Variants in IL3RA observed in about 807,000 individuals in gnomAD.
IL3RA encodes interleukin-3 receptor subunit alpha.
A neutral mutation model predicts 52.3 loss-of-function variants in IL3RA; 73 were observed. The ratio of observed to expected loss-of-function variants is 1.40; its 90% CI spans 1.16 to 1.70. The LOEUF (loss-of-function observed/expected upper bound fraction) is 1.70, where lower values mean the gene tolerates loss of function less well. Ranked by LOEUF, IL3RA falls within the 40% of genes most tolerant of loss-of-function variation. The pLI is 0.00. For missense variants in IL3RA, 664 were observed against 504.4 expected (o/e 1.32, Z -3.03); for synonymous variants, 260 against 194.0 (o/e 1.34, Z -2.83).
chrX:1,360,177 TTC>T (rs1302595866), intron 8 of IL3RA, among the ~76,000 whole-genome samples: 1 of 136,428 alleles, frequency 7.3e-6, no homozygotes, highest in African/African-American at 2.8e-5. Flanking sequence ...CCCTCCATCT[TTC>T]TCTCTCTCTC....
intron 3 of IL3RA, among the ~76,000 whole-genome samples, chrX:1,346,872 G>C (rs1252984116): frequency 4.6e-5 from 7 of 150,962 alleles, no homozygotes; most frequent in Non-Finnish European, 7.4e-5. Context: ...TTCAAATCAC[G>C]GCCCTTCATG....
intron 11 of IL3RA, 120 bp from the exon 12 acceptor site, chrX:1,382,269 CGT>C: frequency 3.3e-6 from 3 of 911,856 alleles, no homozygotes; most frequent in South Asian, 2.8e-5. Flanking sequence ...GGATGACAGG[CGT>C]GAGACACCAT....
intron 8 of IL3RA, 62 bp downstream of exon 8, chrX:1,358,949 T>G: frequency 8.0e-7 from 1 of 1,251,708 alleles, no homozygotes. Context: ...TTTATTATTA[T>G]TAAGAATAAA....
intron 3 of IL3RA, among the ~76,000 whole-genome samples, chrX:1,348,184 C>A (rs1398603119): frequency 4.0e-5 from 6 of 149,032 alleles, no homozygotes; most frequent in South Asian, 2.1e-4. Flanking sequence ...CTGTCTCTAC[C>A]CAGAAAAATA....
intron 8 of IL3RA, among the ~76,000 whole-genome samples, chrX:1,361,159 T>G (rs868780834): frequency 3.2e-5 from 1 of 30,992 alleles, no homozygotes; most frequent in Non-Finnish European, 6.7e-5. Context: ...CTCCCTTTCC[T>G]TCTCTGTCTC....
At chrX:1,358,763 T>G in intron 7 of IL3RA, 98 bp from the exon 8 acceptor site, 1 of 1,351,792 alleles carries the variant, frequency 7.4e-7, no homozygotes, top group Non-Finnish European at 1.1e-6. Flanking sequence ...CCCTCACTGT[T>G]TTGCTGGTTT....
chrX:1,361,314 A>G (rs2087334488), intron 8 of IL3RA, among the ~76,000 whole-genome samples: 1 of 152,074 alleles, frequency 6.6e-6, no homozygotes, highest in African/African-American at 2.4e-5. Flanking sequence ...CACACTGCTG[A>G]TAAACATATA....
chrX:1,365,358 G>T, intron 9 of IL3RA, 106 bp downstream of exon 9: 2 of 417,876 alleles, frequency 4.8e-6, no homozygotes, highest in South Asian at 4.3e-5. Context: ...CGGGGTGAGC[G>T]GGGTGAGCCG....
intron 1 of IL3RA, 134 bp from the exon 2 acceptor site, chrX:1,341,594 T>A: frequency 1.5e-6 from 1 of 674,854 alleles, no homozygotes; most frequent in Non-Finnish European, 2.6e-6. Context: ...ATATGCACAC[T>A]CACCACCGCT....
chrX:1,363,952 GC>G (rs2087706654), intron 8 of IL3RA, among the ~76,000 whole-genome samples: 1 of 151,904 alleles, frequency 6.6e-6, no homozygotes, highest in Non-Finnish European at 1.5e-5. Flanking sequence ...GGAGGCCGAG[GC>G]GGGTGGATCA....
At chrX:1,380,630 G>GGAGGGA (rs1388764821) in intron 10 of IL3RA, among the ~76,000 whole-genome samples, 10 of 71,948 alleles carry the variant, frequency 1.4e-4, no homozygotes, top group African/African-American at 4.9e-4. Flanking sequence ...GGAGGGGGAA[G>GGAGGGA]GAGGGAGAGG....
At chrX:1,348,662 C>CTTTA (rs1259073940) in intron 4 of IL3RA, 117 bp downstream of exon 4, 8 of 444,468 alleles carry the variant, frequency 1.8e-5, no homozygotes, top group African/African-American at 4.9e-5. Flanking sequence ...TTCTTTCTTT[C>CTTTA]TTTCTTTCTT....
chrX:1,381,558 ATG>A (rs2089179310), intron 11 of IL3RA, among the ~76,000 whole-genome samples: 1 of 138,108 alleles, frequency 7.2e-6, no homozygotes, highest in Non-Finnish European at 1.6e-5. Context: ...TTTTTTTTAG[ATG>A]GAGTTTTGCT....
At chrX:1,347,986 G>A (rs1364162880) in intron 3 of IL3RA, among the ~76,000 whole-genome samples, 5 of 147,060 alleles carry the variant, frequency 3.4e-5, no homozygotes, top group East Asian at 2.0e-4. Context: ...ACAGTGAGCC[G>A]AGATCGCGCC....
chrX:1,368,567 C>A (rs2088362825), intron 9 of IL3RA, among the ~76,000 whole-genome samples: 2 of 152,120 alleles, frequency 1.3e-5, no homozygotes, highest in African/African-American at 4.8e-5. Context: ...CAGAATGTGA[C>A]TGTGTTTGGA....
At chrX:1,359,784 C>G (rs1223659524) in intron 8 of IL3RA, among the ~76,000 whole-genome samples, 1 of 150,174 alleles carries the variant, frequency 6.7e-6, no homozygotes, top group East Asian at 2.0e-4. Context: ...TTCTCCCTCC[C>G]TCTTTTATTC....
intron 3 of IL3RA, among the ~76,000 whole-genome samples, chrX:1,347,639 A>C (rs1488338538): frequency 2.0e-5 from 3 of 151,194 alleles, no homozygotes; most frequent in Non-Finnish European, 4.4e-5. Context: ...ACAAAGAAAC[A>C]AAAAACAAAC....
intron 11 of IL3RA, among the ~76,000 whole-genome samples, chrX:1,381,730 G>T (rs1404706423): frequency 6.6e-6 from 1 of 151,084 alleles, no homozygotes; most frequent in Non-Finnish European, 1.5e-5. Flanking sequence ...TTTTAGTAGA[G>T]ACGGGGTTTC....
Position 1,340,154 on chromosome X carries a change from C to T in IL3RA, c.-38-1574C>T, listed in dbSNP as rs758634832. The stretch of plus-strand genomic sequence containing the variant: ...TTTTTGAGACGGAGTCTCGCTCTGT[C>T]GTCCAGGCTGGAGTGCAGTGGCGCC... On this transcript the variant is annotated intron_variant, in intron 1 of 11. Coordinates refer to ENST00000331035, the MANE Select transcript of IL3RA (RefSeq NM_002183.4). Among the ~76,000 whole-genome samples the T allele has an allele frequency of 5.2e-5, 7 of 134,114 alleles. No individual in the cohort carries two copies. In the East Asian group the frequency reaches 1.4e-3, roughly 27 times the overall value. The allele number at this position is 134,114 out of a possible 152,430, so 88.0% of individuals were successfully genotyped here. A position where few individuals can be genotyped will look rare whatever the true frequency, so the allele number is the denominator to read the frequency against.
Sources: gnomAD v4.1 joint callset for allele counts (sites outside exome capture counted in the v4.1 genomes callset) on GRCh38, gnomAD v4.1.1 for gene constraint, MANE v1.5 for transcripts, NCBI Gene and HGNC (gene_info 2026-07-23, HGNC 2026-07-21) for gene names.